The following METTL2A variants were observed in gnomAD, a reference collection of about 807,000 sequenced individuals.
The protein encoded by METTL2A is methyltransferase 2A, tRNA N3-cytidine, also known as tRNA N(3)-cytidine methyltransferase METTL2A.
Under a neutral mutation model 49.4 loss-of-function variants are expected in METTL2A, and 45 were observed. The observed-to-expected ratio is 0.91, with a 90% CI of 0.72 to 1.17. The LOEUF (loss-of-function observed/expected upper bound fraction) is 1.17. METTL2A is among the 50% of genes most tolerant of loss of function. The pLI is 0.00. For missense variants in METTL2A, 361 were observed against 462.2 expected (o/e 0.78, Z 2.01); for synonymous variants, 118 against 167.5 (o/e 0.70, Z 2.28).
intron 5 of METTL2A, among the ~76,000 whole-genome samples, 198 bp downstream of exon 5, chr17:62,435,490 C>G (rs1340181780): frequency 6.6e-6 from 1 of 152,140 alleles, no homozygotes; most frequent in Non-Finnish European, 1.5e-5. Context: ...CGTATCTGTT[C>G]ATATATTGAA....
intron 4 of METTL2A, among the ~76,000 whole-genome samples, chr17:62,433,881 G>A (rs543537412): frequency 1.3e-5 from 2 of 152,082 alleles, no homozygotes; most frequent in African/African-American, 4.8e-5. Flanking sequence ...GGCCAACATG[G>A]TGAAACCCCG....
chr17:62,437,694 C>T (rs1269946198), intron 5 of METTL2A, among the ~76,000 whole-genome samples: 2 of 152,108 alleles, frequency 1.3e-5, no homozygotes, highest in African/African-American at 4.8e-5. Flanking sequence ...TCTGTTATGG[C>T]TGGGGTCAGT....
chr17:62,424,094 C>G (rs1377182258), intron 1 of METTL2A, 82 bp downstream of exon 1: 2 of 1,581,700 alleles, frequency 1.3e-6, no homozygotes, highest in Non-Finnish European at 1.7e-6. Context: ...CCCCTGACCG[C>G]CGGCCACGAG....
chr17:62,445,644 CA>C (rs2070763518), intron 7 of METTL2A, among the ~76,000 whole-genome samples: 1 of 151,788 alleles, frequency 6.6e-6, no homozygotes, highest in Non-Finnish European at 1.5e-5. Context: ...ACTAAAAATA[CA>C]AATTAGCTGG....
At chr17:62,447,436 T>A (rs367957041) in intron 7 of METTL2A, among the ~76,000 whole-genome samples, 8 of 152,230 alleles carry the variant, frequency 5.3e-5, no homozygotes, top group African/African-American at 1.9e-4. Context: ...AATAAATAAA[T>A]AAAAAGTTTG....
At chr17:62,446,196 C>T (rs560913247) in intron 7 of METTL2A, among the ~76,000 whole-genome samples, 12 of 152,282 alleles carry the variant, frequency 7.9e-5, no homozygotes, top group Admixed American at 3.3e-4. Context: ...CGTTATTGCC[C>T]AGGCTGGAGT....
rs183019112 is a variant in METTL2A at position 62,434,160 on chromosome 17, C to T, written c.609-1072C>T. Reference sequence around the variant, plus strand: ...TGTGGAATAGAACTTTGTGCAGTGACGGAAATGTTCTGCATCTTCACTCTC... The same window carrying T: ...TGTGGAATAGAACTTTGTGCAGTGATGGAAATGTTCTGCATCTTCACTCTC... On this transcript the variant is annotated intron_variant, in intron 4 of 8. Transcript: ENST00000311506. Among the ~76,000 whole-genome samples the T allele has an allele frequency of 1.4e-4, 22 of 152,268 alleles. No homozygotes were observed. In the East Asian group the frequency reaches 3.1e-3, roughly 21 times the overall value.
chr17:62,426,399 T>C lies in METTL2A; in HGVS notation c.303T>C (p.Pro101=), dbSNP rs747312444. Residue 101 remains proline (P), a synonymous_variant, in exon 3 of 9, where the codon CCT becomes CCC. Coordinates refer to ENST00000311506, the MANE Select transcript of METTL2A (RefSeq NM_181725.4). ...GACATTGGCTTTTTACCGAATTCCC[T>C]GAGCTGGCACCTAGCCAAAATCAAA... ...KDRHWLFTEF[P]ELAPSQNQNH... The C allele has an allele frequency of 3.1e-6, 5 of 1,613,920 alleles. No homozygotes were observed. In the Admixed American group the frequency reaches 6.7e-5, roughly 22 times the overall value.
At chr17:62,437,079 T>G (rs1307848059) in intron 5 of METTL2A, among the ~76,000 whole-genome samples, 2 of 148,508 alleles carry the variant, frequency 1.3e-5, no homozygotes, top group African/African-American at 4.9e-5. Context: ...AGAATAAGAC[T>G]AAAAAACAAG....
intron 4 of METTL2A, among the ~76,000 whole-genome samples, chr17:62,429,044 C>T (rs2070647098): frequency 6.6e-6 from 1 of 152,160 alleles, no homozygotes; most frequent in Non-Finnish European, 1.5e-5. Flanking sequence ...CCTCGGCCTC[C>T]CAAAGTGCTG....
At chr17:62,424,093 G>T in intron 1 of METTL2A, 81 bp downstream of exon 1, 5 of 1,581,348 alleles carry the variant, frequency 3.2e-6, no homozygotes, top group Middle Eastern at 1.7e-4. Context: ...GCCCCTGACC[G>T]CCGGCCACGA....
At chr17:62,447,960 G>T (rs2070780347) in intron 8 of METTL2A, among the ~76,000 whole-genome samples, 194 bp downstream of exon 8, 1 of 152,184 alleles carries the variant, frequency 6.6e-6, no homozygotes. Flanking sequence ...GGGCCCCCAG[G>T]CAGCCCTGGC....
chr17:62,447,830 A>C, intron 8 of METTL2A, 64 bp downstream of exon 8: 3 of 1,604,464 alleles, frequency 1.9e-6, no homozygotes, highest in Non-Finnish European at 2.6e-6. Flanking sequence ...TCTTCAAGGC[A>C]CGTTCAGAAG....
chr17:62,430,561 C>T (rs923239167), intron 4 of METTL2A, among the ~76,000 whole-genome samples: 2 of 152,148 alleles, frequency 1.3e-5, no homozygotes, highest in African/African-American at 4.8e-5. Context: ...TGCATGTCTT[C>T]CCCTGACTCC....
In METTL2A at chr17:62,443,001, C is replaced by T. The variant is rs117241056; in HGVS notation, c.810-1836C>T. Among the ~76,000 whole-genome samples the T allele has an allele frequency of 1.2e-4, 18 of 152,234 alleles. 1 individual carries two copies. The East Asian group carries it at 3.5e-3, about 29-fold the overall frequency. ...CCTCTAGAAGGGTACTGAAGTCATC[C>T]AACCTGAGAGGATGAGTGTGAAATA... On this transcript the variant is annotated intron_variant, in intron 6 of 8. Coordinates refer to ENST00000311506, the MANE Select transcript of METTL2A (RefSeq NM_181725.4).
rs191375901 is a variant in METTL2A, at chr17:62,451,560, C to T, written c.*2831C>T. 0.021 allele frequency among the ~76,000 whole-genome samples: 3,139 copies of T among 151,390 alleles called. 129 individuals are homozygous for T. Among genetic ancestry groups the T allele is most frequent in the African/African-American group, 0.071 (2,954 of 41,344 alleles). ...GGCGGATCATTTGAGGTCGGGAGTT[C>T]GAGACCAGCCTGGCCAACTTAATGA... On this transcript the variant is annotated 3_prime_UTR_variant, in exon 9 of 9. Coordinates refer to ENST00000311506, the MANE Select transcript of METTL2A (RefSeq NM_181725.4).
At chr17:62,429,697 G>C (rs2070651742) in intron 4 of METTL2A, among the ~76,000 whole-genome samples, 1 of 152,096 alleles carries the variant, frequency 6.6e-6, no homozygotes, top group Non-Finnish European at 1.5e-5. Flanking sequence ...TTGAGATGGA[G>C]TCTTGCTCTG....
In METTL2A at chr17:62,444,858, G is replaced by T. The variant is rs2070758427; in HGVS notation, c.831G>T (p.Arg277Ser). 1 of 1,613,924 alleles carries T rather than the reference G, an allele frequency of 6.2e-7. No homozygotes were observed. ...VPDKMQKAIN[R>S]LSRLLKPGGM... ...ACAGGATGCAGAAGGCTATCAACAG[G>T]CTGAGCAGGCTTCTGAAACCTGGCG... Residue 277 changes from arginine (R) to serine (S), a missense_variant, in exon 7 of 9, where the codon AGG becomes AGT. Coordinates refer to ENST00000311506, the MANE Select transcript of METTL2A (RefSeq NM_181725.4).
chr17:62,450,247 C>CATTTTTTTTTTTTTTTTTTTTTTTTTTTT lies in METTL2A; in HGVS notation c.*1518_*1519insATTTTTTTTTTTTTTTTTTTTTTTTTTTT, dbSNP rs1396756918. The CATTTTTTTTTTTTTTTTTTTTTTTTTTTT allele has an allele frequency of 1.2e-4, 10 of 80,540 alleles. 3 individuals are homozygous for CATTTTTTTTTTTTTTTTTTTTTTTTTTTT. Among genetic ancestry groups the CATTTTTTTTTTTTTTTTTTTTTTTTTTTT allele is most frequent in the South Asian group, 4.0e-4 (1 of 2,484 alleles). 5.0% of individuals were successfully genotyped at this position (80,540 alleles called of 1,614,324 possible). A position where few individuals can be genotyped will look rare whatever the true frequency, so the allele number is the denominator to read the frequency against. On this transcript the variant is annotated 3_prime_UTR_variant, in exon 9 of 9. Coordinates refer to ENST00000311506, the MANE Select transcript of METTL2A (RefSeq NM_181725.4). ...TGTGATCATTATCAGTGTTAGATGC[C>CATTTTTTTTTTTTTTTTTTTTTTTTTTTT]TTTTTTTTTTTTTTTTTTTTTTTTT...
Sources: gnomAD v4.1 joint callset for allele counts (sites outside exome capture counted in the v4.1 genomes callset) on GRCh38, gnomAD v4.1.1 for gene constraint, MANE v1.5 for transcripts, NCBI Gene and HGNC (gene_info 2026-07-23, HGNC 2026-07-21) for gene names.